Variants in MACROD2 observed in about 807,000 individuals in gnomAD.
The protein encoded by MACROD2 is mono-ADP ribosylhydrolase 2, also known as ADP-ribose glycohydrolase MACROD2.
Under a neutral mutation model 70.4 loss-of-function variants are expected in MACROD2, and 36 were observed. The observed-to-expected ratio is 0.51, with a 90% CI of 0.39 to 0.68. The LOEUF is 0.68. Ranked by LOEUF, MACROD2 falls within the 30% of genes least tolerant of loss-of-function variation. The pLI, the probability that MACROD2 is intolerant of heterozygous loss-of-function variation, is 0.00. For missense variants in MACROD2, 496 were observed against 538.4 expected, an observed-to-expected ratio of 0.92 and a Z score of 0.78; for synonymous variants, 172 against 178.8, an observed-to-expected ratio of 0.96 and a Z score of 0.30.
intron 3 of MACROD2, among the ~76,000 whole-genome samples, chr20:14,133,922 A>C (rs1272242868): frequency 6.6e-6 from 1 of 152,206 alleles, no homozygotes; most frequent in Non-Finnish European, 1.5e-5. Context: ...TCAATGACTG[A>C]TTGCTGTGGA....
intron 6 of MACROD2, among the ~76,000 whole-genome samples, chr20:15,244,915 A>C (rs1030510584): frequency 3.9e-5 from 6 of 152,242 alleles, no homozygotes; most frequent in Non-Finnish European, 7.3e-5. Context: ...GTTTACCTGC[A>C]TACATTTGTT....
intron 5 of MACROD2, among the ~76,000 whole-genome samples, chr20:14,771,771 T>C (rs1031426359): frequency 2.7e-5 from 4 of 149,986 alleles, no homozygotes; most frequent in African/African-American, 9.9e-5. Flanking sequence ...CACATACACA[T>C]ATGGTGTATA....
At chr20:15,182,296 A>G (rs2076506199) in intron 5 of MACROD2, among the ~76,000 whole-genome samples, 1 of 152,230 alleles carries the variant, frequency 6.6e-6, no homozygotes, top group African/African-American at 2.4e-5. Context: ...TGTTGGAGCA[A>G]TAAAGCTATT....
intron 8 of MACROD2, among the ~76,000 whole-genome samples, chr20:15,659,845 A>G (rs78813096): frequency 4.6e-5 from 7 of 152,306 alleles, no homozygotes; most frequent in African/African-American, 1.7e-4. Flanking sequence ...AAACAGACAT[A>G]TGAGGGAGGC....
chr20:14,238,768 C>A (rs556540585), intron 3 of MACROD2, among the ~76,000 whole-genome samples: 25 of 152,068 alleles, frequency 1.6e-4, no homozygotes, highest in African/African-American at 6.0e-4. Context: ...GTGGCTCATG[C>A]CTGTAATCCC....
intron 8 of MACROD2, among the ~76,000 whole-genome samples, chr20:15,541,909 G>T (rs1285140335): frequency 6.6e-6 from 1 of 152,136 alleles, no homozygotes; most frequent in Non-Finnish European, 1.5e-5. Context: ...GGAATGTTAT[G>T]GTTGCTAAGA....
chr20:15,916,532 C>CCATCAT (rs2065319022), intron 10 of MACROD2, among the ~76,000 whole-genome samples: 1 of 152,202 alleles, frequency 6.6e-6, no homozygotes, highest in Non-Finnish European at 1.5e-5. Context: ...TTTAAAACCA[C>CCATCAT]CATCATCCCA....
At chr20:15,620,537 C>CTATG (rs1050942294) in intron 8 of MACROD2, among the ~76,000 whole-genome samples, 74 of 152,274 alleles carry the variant, frequency 4.9e-4, no homozygotes, top group African/African-American at 1.7e-3. Context: ...AATATGTCAG[C>CTATG]TATGAAGAAC....
At chr20:15,893,997 G>A (rs1489888971) in intron 10 of MACROD2, 1 of 449,154 alleles carries the variant, frequency 2.2e-6, no homozygotes, top group Non-Finnish European at 4.5e-6. Flanking sequence ...TGGGCTCTAG[G>A]GTCTCGCTTT....
Position 14,374,201 on chromosome 20 carries a change from C to T in MACROD2, c.272-119278C>T, listed in dbSNP as rs969879810. Reference sequence around the variant, plus strand: ...ATTGATTTATTTACACTTATAGCTTCTAACAAGGTATATTCTAAAAAGTTT... The same window carrying T: ...ATTGATTTATTTACACTTATAGCTTTTAACAAGGTATATTCTAAAAAGTTT... On this transcript the variant is annotated intron_variant, in intron 3 of 17. Coordinates refer to ENST00000684519, the MANE Select transcript of MACROD2 (RefSeq NM_001351661.2). 6.6e-5 allele frequency among the ~76,000 whole-genome samples: 10 copies of T among 152,234 alleles called. No individual in the cohort carries two copies. In the South Asian group the frequency reaches 1.9e-3, roughly 28 times the overall value.
Position 16,047,659 on chromosome 20 carries a change from A to T in MACROD2, c.1301-2171A>T, listed in dbSNP as rs369796362. The stretch of plus-strand genomic sequence containing the variant: ...CCTAGAAAATGAGAATCCCTTTCAG[A>T]TGTTCTGGCCCCAGCAGGTACCACC... On this transcript the variant is annotated intron_variant, in intron 17 of 17. Transcript: ENST00000684519. Among the ~76,000 whole-genome samples, 14 of 104,168 alleles carry T rather than the reference A, an allele frequency of 1.3e-4. No homozygotes were observed. The East Asian group carries it at 4.0e-3, about 30-fold the overall frequency. The allele number at this position is 104,168 out of a possible 152,430, so 68.3% of individuals were successfully genotyped here.
chr20:14,498,878 C>T (rs2084886168), intron 4 of MACROD2, among the ~76,000 whole-genome samples: 1 of 152,250 alleles, frequency 6.6e-6, no homozygotes, highest in Non-Finnish European at 1.5e-5. Flanking sequence ...GCTCAACATC[C>T]TGCAGTGATT....
chr20:15,937,672 T>C, intron 12 of MACROD2, 128 bp downstream of exon 12: 1 of 710,048 alleles, frequency 1.4e-6, no homozygotes, highest in South Asian at 1.7e-5. Flanking sequence ...CTGTTTCCAA[T>C]ATAATTGACT....
At chr20:15,050,033 C>G (rs2075426864) in intron 5 of MACROD2, among the ~76,000 whole-genome samples, 2 of 152,006 alleles carry the variant, frequency 1.3e-5, no homozygotes, top group Admixed American at 1.3e-4. Flanking sequence ...AGAAAGCTTC[C>G]TGCCTCTAAG....
intron 6 of MACROD2, among the ~76,000 whole-genome samples, chr20:15,264,634 C>T (rs528561354): frequency 4.6e-5 from 7 of 152,212 alleles, no homozygotes; most frequent in African/African-American, 1.2e-4. Context: ...TCTTATTCTG[C>T]GGATAGTCTC....
intron 5 of MACROD2, among the ~76,000 whole-genome samples, chr20:14,772,794 C>T (rs1486156716): frequency 6.6e-6 from 1 of 151,990 alleles, no homozygotes; most frequent in Non-Finnish European, 1.5e-5. Context: ...CAGATTTCCC[C>T]CAGTGACATA....
chr20:14,741,360 G>A (rs2071729766), intron 5 of MACROD2, among the ~76,000 whole-genome samples: 1 of 152,114 alleles, frequency 6.6e-6, no homozygotes, highest in South Asian at 2.1e-4. Flanking sequence ...AGAACTCAGA[G>A]AAGGTAATGT....
At chr20:15,245,924 T>G (rs1162801079) in intron 6 of MACROD2, among the ~76,000 whole-genome samples, 1 of 152,222 alleles carries the variant, frequency 6.6e-6, no homozygotes, top group Non-Finnish European at 1.5e-5. Flanking sequence ...TTAAAGACAC[T>G]GTGCTTTCAG....
chr20:15,233,005 A>C (rs2076972397), intron 6 of MACROD2, among the ~76,000 whole-genome samples: 1 of 152,038 alleles, frequency 6.6e-6, no homozygotes, highest in Non-Finnish European at 1.5e-5. Flanking sequence ...GAGAGGATCT[A>C]GTGGTTGTTT....
Sources: allele counts gnomAD v4.1 joint callset (sites outside exome capture counted in the v4.1 genomes callset), GRCh38; gene constraint gnomAD v4.1.1; transcripts MANE v1.5; gene names NCBI Gene and HGNC (gene_info 2026-07-23, HGNC 2026-07-21).